The following CCSER1 variants were observed in gnomAD, a reference collection of about 807,000 sequenced individuals.
The protein encoded by CCSER1 is coiled-coil serine rich protein 1.
In CCSER1, 41 loss-of-function variants were observed where a neutral mutation model predicts 82.0. The ratio of observed to expected loss-of-function variants is 0.50; its 90% CI spans 0.39 to 0.65. The LOEUF (loss-of-function observed/expected upper bound fraction) is 0.65, where lower values mean the gene tolerates loss of function less well. CCSER1 is among the 30% of genes least tolerant of loss of function. The pLI is 0.00. For synonymous variants in CCSER1, 414 were observed against 383.9 expected (o/e 1.08, Z -0.92); for missense variants, 1,119 against 1,064.2 (o/e 1.05, Z -0.72).
At chr4:90,982,717 G>A (rs1381297) in intron 9 of CCSER1, among the ~76,000 whole-genome samples, 92,109 of 151,602 alleles carry the variant, frequency 0.61, 28,504 homozygotes, top group East Asian at 0.84. Context: ...ATCATGAAGG[G>A]AAGTAAAATT....
rs1403046023 is a variant in CCSER1, at chr4:91,107,148, GAAC to G, written c.2217+21157_2217+21159del. 2.0e-5 allele frequency among the ~76,000 whole-genome samples: 3 copies of G among 152,286 alleles called. No individual in the cohort carries two copies. The East Asian group carries it at 5.8e-4, about 29-fold the overall frequency. ...CATGCTGTACATGTTTGTAGCCTGA[GAAC>G]AATAGGCTATACCGCATAGCCTAGG... On this transcript the variant is annotated intron_variant, in intron 10 of 10. Coordinates refer to ENST00000509176, the MANE Select transcript of CCSER1 (RefSeq NM_001145065.2).
At chr4:90,621,938 A>AC (rs763380620) in intron 5 of CCSER1, among the ~76,000 whole-genome samples, 3 of 152,184 alleles carry the variant, frequency 2.0e-5, no homozygotes, top group Non-Finnish European at 4.4e-5. Context: ...CAATACCCTG[A>AC]CACTACCACA....
intron 5 of CCSER1, among the ~76,000 whole-genome samples, chr4:90,621,520 T>A (rs900129466): frequency 6.6e-6 from 1 of 151,958 alleles, no homozygotes; most frequent in African/African-American, 2.4e-5. Flanking sequence ...TTGCCATTTG[T>A]TTTTTTGTTA....
chr4:91,353,674 C>T (rs958748913), intron 10 of CCSER1, among the ~76,000 whole-genome samples: 12 of 152,112 alleles, frequency 7.9e-5, no homozygotes, highest in African/African-American at 2.7e-4. Flanking sequence ...ACTTCTTATG[C>T]AATAGATTGA....
chr4:90,585,002 A>G (rs1781831963), intron 5 of CCSER1, among the ~76,000 whole-genome samples: 1 of 152,202 alleles, frequency 6.6e-6, no homozygotes, highest in Non-Finnish European at 1.5e-5. Flanking sequence ...TTGTATCCCG[A>G]GAGTGCTCAA....
chr4:90,713,257 G>T (rs1040832667), intron 6 of CCSER1, among the ~76,000 whole-genome samples: 3 of 152,036 alleles, frequency 2.0e-5, no homozygotes, highest in East Asian at 1.9e-4. Context: ...GTGTACTTCA[G>T]TGTGTTTTTG....
intron 10 of CCSER1, among the ~76,000 whole-genome samples, chr4:91,257,148 T>C (rs984372532): frequency 3.3e-5 from 5 of 152,138 alleles, no homozygotes; most frequent in Non-Finnish European, 5.9e-5. Context: ...AGGAGTGGCA[T>C]TGTTAGTAAA....
intron 10 of CCSER1, among the ~76,000 whole-genome samples, chr4:91,265,378 G>A (rs1741496407): frequency 6.6e-6 from 1 of 151,882 alleles, no homozygotes; most frequent in Non-Finnish European, 1.5e-5. Context: ...TTAATTTTCT[G>A]GATAACTGAA....
In CCSER1 at chr4:91,467,365, G is replaced by A. The variant is rs548138960; in HGVS notation, c.2218-131207G>A. On this transcript the variant is annotated intron_variant, in intron 10 of 10. Transcript: ENST00000509176. ...AAAAATTAATTCAAGATGGATTAAA[G>A]ACTTCAATGTTAGACCTAAAACCAT... Among the ~76,000 whole-genome samples the A allele has an allele frequency of 3.8e-4, 58 of 152,304 alleles. 1 individual carries two copies. The highest frequency in any genetic ancestry group is 1.3e-3 in the African/African-American group (55 of 41,550).
intron 10 of CCSER1, among the ~76,000 whole-genome samples, chr4:91,418,293 A>AT (rs1289626802): frequency 7.5e-4 from 60 of 80,038 alleles, no homozygotes; most frequent in African/African-American, 2.5e-3. Flanking sequence ...AAATTCAGAG[A>AT]TTTTTTAATT....
At chr4:90,394,931 G>T (rs1053078649) in intron 3 of CCSER1, among the ~76,000 whole-genome samples, 2 of 152,014 alleles carry the variant, frequency 1.3e-5, no homozygotes, top group African/African-American at 4.8e-5. Flanking sequence ...TATCATTTTT[G>T]TGGTGAAAAC....
chr4:90,469,097 G>T (rs914412478), intron 5 of CCSER1, among the ~76,000 whole-genome samples: 3 of 151,956 alleles, frequency 2.0e-5, no homozygotes, highest in Non-Finnish European at 2.9e-5. Flanking sequence ...TGATATAAGG[G>T]GCTGCCAAGG....
intron 4 of CCSER1, among the ~76,000 whole-genome samples, chr4:90,451,706 A>G (rs762641279): frequency 4.6e-5 from 7 of 152,082 alleles, no homozygotes; most frequent in Non-Finnish European, 7.4e-5. Flanking sequence ...CATTTCTTTT[A>G]TGGAGTACTC....
chr4:90,909,397 T>A (rs1725992591), intron 8 of CCSER1, among the ~76,000 whole-genome samples: 1 of 152,102 alleles, frequency 6.6e-6, no homozygotes, highest in Non-Finnish European at 1.5e-5. Context: ...TGGTGGCTTG[T>A]ACACACCCAG....
intron 5 of CCSER1, among the ~76,000 whole-genome samples, chr4:90,612,640 T>A (rs1467227303): frequency 6.6e-6 from 1 of 152,180 alleles, no homozygotes. Context: ...AGCTTATGTA[T>A]TTTTGCTTCC....
At chr4:90,429,039 A>G (rs549558208) in intron 4 of CCSER1, among the ~76,000 whole-genome samples, 2 of 151,764 alleles carry the variant, frequency 1.3e-5, no homozygotes, top group Admixed American at 6.6e-5. Context: ...GTATCACACT[A>G]TTGCAAGATG....
chr4:91,237,706 A>G (rs949021461), intron 10 of CCSER1, among the ~76,000 whole-genome samples: 18 of 152,176 alleles, frequency 1.2e-4, no homozygotes, highest in African/African-American at 4.1e-4. Context: ...TTGGGGAGAG[A>G]GAGAGAGACA....
intron 10 of CCSER1, among the ~76,000 whole-genome samples, chr4:91,491,950 T>G (rs1011742976): frequency 3.3e-4 from 9 of 27,454 alleles, no homozygotes; most frequent in Admixed American, 1.8e-3. Flanking sequence ...TGCTAATAGT[T>G]TTTTTTTTTT....
chr4:90,459,403 C>T (rs2153582585), intron 4 of CCSER1, among the ~76,000 whole-genome samples: 1 of 151,906 alleles, frequency 6.6e-6, no homozygotes, highest in South Asian at 2.1e-4. Context: ...TTCTGTCCCC[C>T]TAAAATGCTC....
Sources: allele counts gnomAD v4.1 joint callset (sites outside exome capture counted in the v4.1 genomes callset), GRCh38; gene constraint gnomAD v4.1.1; transcripts MANE v1.5; gene names NCBI Gene and HGNC (gene_info 2026-07-23, HGNC 2026-07-21).